The following GSK3B variants were observed in gnomAD, a reference collection of about 807,000 sequenced individuals.
The protein encoded by GSK3B is glycogen synthase kinase 3 beta, also known as glycogen synthase kinase-3 beta.
GSK3B carries 15 observed loss-of-function variants against 56.4 expected under a neutral mutation model. The ratio of observed to expected loss-of-function variants is 0.27; its 90% CI spans 0.18 to 0.41. GSK3B has a LOEUF of 0.41. Among genes scored for constraint, GSK3B ranks in the 10% least tolerant of loss-of-function variants. The pLI is 1.00. For missense variants in GSK3B, 300 were observed against 513.4 expected (o/e 0.58, Z 4.02); for synonymous variants, 181 against 188.9 (o/e 0.96, Z 0.34).
chr3:119,853,037 T>C (rs1252138587), intron 9 of GSK3B, among the ~76,000 whole-genome samples: 1 of 152,256 alleles, frequency 6.6e-6, no homozygotes, highest in East Asian at 1.9e-4. Context: ...GGTTTCCTTC[T>C]AGGGTTTTCA....
chr3:119,974,358 G>A (rs1362303144), intron 2 of GSK3B, among the ~76,000 whole-genome samples: 1 of 152,162 alleles, frequency 6.6e-6, no homozygotes, highest in Non-Finnish European at 1.5e-5. Context: ...GCATCAATGT[G>A]ATGGTATTAG....
Position 120,082,385 on chromosome 3 carries a change from CTT to C in GSK3B, c.88+10960_88+10961del, listed in dbSNP as rs1173737285. Among the ~76,000 whole-genome samples, 17 of 66,378 alleles carry C rather than the reference CTT, an allele frequency of 2.6e-4. No homozygotes were observed. In the East Asian group the frequency reaches 4.2e-3, roughly 16 times the overall value. The allele number at this position is 66,378 out of a possible 152,430, so 43.5% of individuals were successfully genotyped here. A position where few individuals can be genotyped will look rare whatever the true frequency, so the allele number is the denominator to read the frequency against. On this transcript the variant is annotated intron_variant, in intron 1 of 10. Transcript: ENST00000264235. ...TGTGGCTAGCCCAAATTAGTATGTT[CTT>C]TTTTTTTTTTTTTTTTTTTTTTTTT...
chr3:120,093,525 G>A lies in GSK3B; in HGVS notation c.-91C>T. 1 of 799,284 alleles carries A rather than the reference G, an allele frequency of 1.3e-6. No individual in the cohort carries two copies. Among genetic ancestry groups the A allele is most frequent in the Non-Finnish European group, 2.2e-6 (1 of 461,688 alleles). The allele number at this position is 799,284 out of a possible 1,614,324, so 49.5% of individuals were successfully genotyped here. On this transcript the variant is annotated 5_prime_UTR_variant, in exon 1 of 11. Coordinates refer to ENST00000264235, the MANE Select transcript of GSK3B (RefSeq NM_001146156.2). ...GGGTGTTAGGTTAACGATAAATGCAGCATTAAGTTCTCCCACAGAAGAAAA... is the reference window on the plus strand; with the variant it reads ...GGGTGTTAGGTTAACGATAAATGCAACATTAAGTTCTCCCACAGAAGAAAA...
chr3:119,897,382 T>C (rs1279291698), intron 7 of GSK3B, among the ~76,000 whole-genome samples: 2 of 152,134 alleles, frequency 1.3e-5, no homozygotes, highest in African/African-American at 4.8e-5. Context: ...ATTCTTTTAA[T>C]GCCTCCGTTT....
chr3:119,970,467 G>A (rs558777654), intron 2 of GSK3B, among the ~76,000 whole-genome samples: 1 of 152,130 alleles, frequency 6.6e-6, no homozygotes, highest in African/African-American at 2.4e-5. Flanking sequence ...CCCTGCTGGT[G>A]AGAATAAAAA....
intron 2 of GSK3B, among the ~76,000 whole-genome samples, chr3:119,983,350 T>C (rs1231476968): frequency 6.6e-6 from 1 of 152,136 alleles, no homozygotes; most frequent in African/African-American, 2.4e-5. Flanking sequence ...AATTCATATA[T>C]AGCAATATTA....
chr3:119,830,842 C>T (rs948118138), intron 10 of GSK3B, among the ~76,000 whole-genome samples: 5 of 152,184 alleles, frequency 3.3e-5, no homozygotes, highest in South Asian at 2.1e-4. Context: ...AGTAATACCA[C>T]CCACCTATGA....
chr3:120,037,785 A>G (rs577468389), intron 1 of GSK3B, among the ~76,000 whole-genome samples: 2 of 152,134 alleles, frequency 1.3e-5, no homozygotes, highest in Non-Finnish European at 2.9e-5. Flanking sequence ...GCTCTTTATG[A>G]TGGTTATTCT....
chr3:120,000,905 G>T (rs1576260782), intron 2 of GSK3B, among the ~76,000 whole-genome samples: 3 of 137,630 alleles, frequency 2.2e-5, no homozygotes, highest in South Asian at 2.4e-4. Context: ...ACCTCATGTT[G>T]AAATGTAATC....
At chr3:119,837,243 C>T (rs12494560) in intron 10 of GSK3B, among the ~76,000 whole-genome samples, 107,989 of 151,928 alleles carry the variant, frequency 0.71, 40,275 homozygotes, top group East Asian at 0.9. Flanking sequence ...CAAGCTCCGC[C>T]TCCCGGGTTC....
chr3:119,990,797 G>A (rs904060608), intron 2 of GSK3B, among the ~76,000 whole-genome samples: 8 of 151,382 alleles, frequency 5.3e-5, no homozygotes, highest in African/African-American at 1.5e-4. Flanking sequence ...GAGTAGTGGC[G>A]CATGCCTGCA....
intron 1 of GSK3B, among the ~76,000 whole-genome samples, chr3:120,064,218 A>G (rs1311203126): frequency 2.0e-5 from 3 of 151,876 alleles, no homozygotes; most frequent in African/African-American, 7.2e-5. Context: ...AGAAAACCTT[A>G]TAACCCTAAA....
At chr3:119,846,949 T>G (rs981243854) in intron 9 of GSK3B, among the ~76,000 whole-genome samples, 1 of 152,218 alleles carries the variant, frequency 6.6e-6, no homozygotes, top group Non-Finnish European at 1.5e-5. Context: ...CAGAATATTA[T>G]GCAGCCATAA....
intron 1 of GSK3B, among the ~76,000 whole-genome samples, chr3:120,081,922 G>A (rs1450605490): frequency 1.3e-5 from 2 of 152,124 alleles, no homozygotes; most frequent in Non-Finnish European, 2.9e-5. Context: ...CTAAAGAGGT[G>A]GCATTTGAGA....
chr3:120,051,004 G>GT (rs1285881907), intron 1 of GSK3B, among the ~76,000 whole-genome samples: 1 of 152,138 alleles, frequency 6.6e-6, no homozygotes, highest in East Asian at 1.9e-4. Context: ...CAGTTTGAGT[G>GT]AAGTGTTATG....
At chr3:119,865,532 C>T (rs1434066522) in intron 8 of GSK3B, among the ~76,000 whole-genome samples, 5 of 132,420 alleles carry the variant, frequency 3.8e-5, no homozygotes, top group South Asian at 4.9e-4. Context: ...TGCAGTGGCC[C>T]GATCTTGGCT....
At chr3:120,080,792 T>C (rs1219014630) in intron 1 of GSK3B, among the ~76,000 whole-genome samples, 2 of 151,362 alleles carry the variant, frequency 1.3e-5, no homozygotes, top group Non-Finnish European at 2.9e-5. Context: ...ATCACGCCAC[T>C]GCACTCCATC....
chr3:119,897,955 A>G (rs2056586045), intron 7 of GSK3B, among the ~76,000 whole-genome samples: 2 of 152,150 alleles, frequency 1.3e-5, no homozygotes, highest in Admixed American at 6.5e-5. Flanking sequence ...GATGGTGAAA[A>G]TAAGGTTGAA....
At chr3:120,037,158 T>C (rs1305019389) in intron 1 of GSK3B, among the ~76,000 whole-genome samples, 3 of 152,194 alleles carry the variant, frequency 2.0e-5, no homozygotes, top group African/African-American at 4.8e-5. Context: ...AACAAAAAAA[T>C]TGCTTTGCTA....
Sources: allele counts gnomAD v4.1 joint callset (sites outside exome capture counted in the v4.1 genomes callset), GRCh38; gene constraint gnomAD v4.1.1; transcripts MANE v1.5; gene names NCBI Gene and HGNC (gene_info 2026-07-23, HGNC 2026-07-21).